The following DYNC2I1 variants were observed in gnomAD, a reference collection of about 807,000 sequenced individuals.
DYNC2I1 encodes the protein dynein 2 intermediate chain 1, also known as cytoplasmic dynein 2 intermediate chain 1.
Under a neutral mutation model 133.4 loss-of-function variants are expected in DYNC2I1, and 89 were observed. That is an observed-to-expected ratio of 0.67 (90% CI 0.56 to 0.80). The LOEUF is 0.80. Among genes scored for constraint, DYNC2I1 ranks in the 30% least tolerant of loss-of-function variants. The pLI, the probability that DYNC2I1 is intolerant of heterozygous loss-of-function variation, is 0.00. For synonymous variants in DYNC2I1, 504 were observed against 484.3 expected (o/e 1.04, Z -0.54); for missense variants, 1,291 against 1,314.5 (o/e 0.98, Z 0.28).
intron 1 of DYNC2I1, among the ~76,000 whole-genome samples, chr7:158,866,280 C>G: frequency 6.6e-6 from 1 of 151,728 alleles, no homozygotes. Context: ...CTCTGTGGTG[C>G]CCATGTCTCC....
intron 8 of DYNC2I1, among the ~76,000 whole-genome samples, chr7:158,892,509 A>G (rs1047272064): frequency 6.6e-6 from 1 of 152,224 alleles, no homozygotes; most frequent in East Asian, 1.9e-4. Flanking sequence ...TGGCACGATC[A>G]TAGCTCAGAG....
chr7:158,908,104 T>C (rs1380526975), intron 11 of DYNC2I1, among the ~76,000 whole-genome samples: 3 of 150,840 alleles, frequency 2.0e-5, no homozygotes, highest in African/African-American at 7.3e-5. Context: ...TTGAGAAAAA[T>C]GTAGGAGTCC....
At chr7:158,950,051 A>G (rs1377694600), downstream of DYNC2I1, among the ~76,000 whole-genome samples, 1 of 152,156 alleles carries the variant, frequency 6.6e-6, no homozygotes, top group Non-Finnish European at 1.5e-5. Flanking sequence ...GATTACAGGC[A>G]TGAGCCACCG....
At position 158,924,587 on chromosome 7, in the gene DYNC2I1, C is replaced by T. The variant is rs10266731; in HGVS notation, c.2257+854C>T. Among the ~76,000 whole-genome samples the T allele has an allele frequency of 2.3e-3, 353 of 151,746 alleles. 11 individuals carry two copies. Among genetic ancestry groups the T allele is most frequent in the Admixed American group, 0.02 (309 of 15,280 alleles). On this transcript the variant is annotated intron_variant, in intron 17 of 24. Coordinates refer to ENST00000407559, the MANE Select transcript of DYNC2I1 (RefSeq NM_018051.5). ...TACTGTTAAGGCTGTTTGAATTTAT[C>T]GCAACTTATGGGTTGCGATGCTATT...
At chr7:158,869,228 G>T (rs557018955) in intron 1 of DYNC2I1, among the ~76,000 whole-genome samples, 1 of 145,208 alleles carries the variant, frequency 6.9e-6, no homozygotes, top group African/African-American at 2.5e-5. Context: ...CTCTGGGCCC[G>T]TGGCTGTGGC....
At chr7:158,886,459 G>A (rs1844614143) in intron 6 of DYNC2I1, among the ~76,000 whole-genome samples, 3 of 152,024 alleles carry the variant, frequency 2.0e-5, no homozygotes, top group Non-Finnish European at 2.9e-5. Flanking sequence ...ATGTAGATTT[G>A]CACTCACAAG....
chr7:158,859,727 C>T (rs922158348), intron 1 of DYNC2I1, among the ~76,000 whole-genome samples: 5 of 151,974 alleles, frequency 3.3e-5, no homozygotes, highest in Admixed American at 2.0e-4. Context: ...GGTCTTGATC[C>T]GCCCACCTCG....
At chr7:158,852,990 T>C (rs1374201303), upstream of DYNC2I1, among the ~76,000 whole-genome samples, 1 of 152,246 alleles carries the variant, frequency 6.6e-6, no homozygotes, top group Non-Finnish European at 1.5e-5. Context: ...TAAGGGTTAA[T>C]GAATGCTTGT....
chr7:158,923,760 G>A (rs1187897734), intron 17 of DYNC2I1, 27 bp downstream of exon 17: 1 of 1,586,502 alleles, frequency 6.3e-7, no homozygotes, highest in Non-Finnish European at 8.6e-7. Context: ...TGCCAATTGT[G>A]TGTCTGCTAG....
At chr7:158,915,638 G>A (rs1190160742) in intron 14 of DYNC2I1, among the ~76,000 whole-genome samples, 6 of 146,218 alleles carry the variant, frequency 4.1e-5, no homozygotes, top group Admixed American at 6.7e-5. Flanking sequence ...CAGGATGATT[G>A]TGAAACCTCG....
intron 23 of DYNC2I1, among the ~76,000 whole-genome samples, chr7:158,936,106 G>A (rs998474595): frequency 2.6e-5 from 4 of 152,176 alleles, no homozygotes; most frequent in Admixed American, 6.5e-5. Flanking sequence ...CAAGAGAATC[G>A]CTTTAACCCA....
Position 158,901,763 on chromosome 7 carries a change from T to G in DYNC2I1, c.1084T>G (p.Leu362Val), listed in dbSNP as rs115618657. 3.0e-5 allele frequency: 47 copies of G among 1,581,208 alleles called. No homozygotes were observed. The African/African-American group carries it at 4.7e-4, about 16-fold the overall frequency. Reference protein sequence around the residue: ...TVEIEKEETDLENARADAYTA... With the variant: ...TVEIEKEETDVENARADAYTA... Reference sequence around the variant, plus strand: ...GGAAATTGAAAAGGAAGAAACTGATTTAGAAAATGCTAGAGCTGATGCATA... The same window carrying G: ...GGAAATTGAAAAGGAAGAAACTGATGTAGAAAATGCTAGAGCTGATGCATA... The change falls in exon 9 of 25, where the codon TTA becomes GTA. Residue 362 changes from leucine (L) to valine (V), a missense_variant. Physicochemically the swap from Leu to Val is conservative, Grantham distance 32. Transcript: ENST00000407559.
intron 1 of DYNC2I1, among the ~76,000 whole-genome samples, chr7:158,860,982 C>T (rs977110067): frequency 6.6e-6 from 1 of 152,210 alleles, no homozygotes; most frequent in Non-Finnish European, 1.5e-5. Flanking sequence ...CATGAACTCT[C>T]CATTCAAAGC....
downstream of DYNC2I1, among the ~76,000 whole-genome samples, chr7:158,947,237 C>G (rs1851915883): frequency 6.6e-6 from 1 of 152,154 alleles, no homozygotes; most frequent in South Asian, 2.1e-4. Flanking sequence ...CTTCGCGGAA[C>G]CCAGGTTCAC....
chr7:158,891,848 C>T (rs966205303), intron 8 of DYNC2I1, among the ~76,000 whole-genome samples: 8 of 151,892 alleles, frequency 5.3e-5, no homozygotes, highest in Non-Finnish European at 1.2e-4. Flanking sequence ...TGCAGGTATC[C>T]TCATATAAGG....
the DYNC2I1 span, among the ~76,000 whole-genome samples, chr7:158,847,546 C>T: frequency 6.6e-6 from 1 of 152,166 alleles, no homozygotes; most frequent in Non-Finnish European, 1.5e-5. Flanking sequence ...AAGGTAAAAG[C>T]TACCAGTGGG....
intron 24 of DYNC2I1, among the ~76,000 whole-genome samples, chr7:158,942,678 C>T (rs371273221): frequency 5.3e-5 from 8 of 152,144 alleles, no homozygotes; most frequent in Admixed American, 3.9e-4. Context: ...AATGTCTGAA[C>T]GAGGTACTTG....
intron 20 of DYNC2I1, among the ~76,000 whole-genome samples, chr7:158,927,512 C>CG (rs1849747993): frequency 6.6e-6 from 1 of 150,472 alleles, no homozygotes; most frequent in Non-Finnish European, 1.5e-5. Flanking sequence ...AACTGTTGAA[C>CG]GGGCATCTCA....
At chr7:158,920,158 A>AGT (rs1221983544) in intron 15 of DYNC2I1, among the ~76,000 whole-genome samples, 2 of 148,762 alleles carry the variant, frequency 1.3e-5, no homozygotes, top group East Asian at 2.0e-4. Flanking sequence ...GAACATGTGA[A>AGT]GTGTGTGTGT....
Sources: gnomAD v4.1 joint callset for allele counts (sites outside exome capture counted in the v4.1 genomes callset) on GRCh38, gnomAD v4.1.1 for gene constraint, MANE v1.5 for transcripts, NCBI Gene and HGNC (gene_info 2026-07-23, HGNC 2026-07-21) for gene names.